CPHXL2: variants seen among roughly 807,000 people sequenced by gnomAD.
The protein encoded by CPHXL2 is cytoplasmic polyadenylated homeobox-like protein 2.
the CPHXL2 span, among the ~76,000 whole-genome samples, chr16:75,675,566 C>T: frequency 5.3e-5 from 8 of 152,060 alleles, no homozygotes; most frequent in Non-Finnish European, 5.9e-5. Context: ...AAGTCTTGTC[C>T]TAGAGCATCA....
At chr16:75,670,136 G>C in the CPHXL2 span, among the ~76,000 whole-genome samples, 1 of 152,070 alleles carries the variant, frequency 6.6e-6, no homozygotes, top group Non-Finnish European at 1.5e-5. Flanking sequence ...GGCTGGTCTT[G>C]AACTCCTGAC....
At chr16:75,671,083 A>G in the CPHXL2 span, among the ~76,000 whole-genome samples, 1 of 152,118 alleles carries the variant, frequency 6.6e-6, no homozygotes, top group Admixed American at 6.6e-5. Context: ...TAACCACCCT[A>G]TTAAAAATGG....
chr16:75,666,083 A>G, the CPHXL2 span, among the ~76,000 whole-genome samples: 23,343 of 152,148 alleles, frequency 0.15, 3,489 homozygotes, highest in African/African-American at 0.39. Flanking sequence ...TAAAGGGGTG[A>G]AAAAGGACAT....
chr16:75,667,331 T>C, the CPHXL2 span, among the ~76,000 whole-genome samples: 5 of 145,968 alleles, frequency 3.4e-5, no homozygotes, highest in African/African-American at 5.3e-5. Flanking sequence ...AAAAAAAAAA[T>C]TAGAAAAAAA....
At chr16:75,667,917 GAGTCCACCTTACCTTTC>G in the CPHXL2 span, among the ~76,000 whole-genome samples, 1 of 152,090 alleles carries the variant, frequency 6.6e-6, no homozygotes. Flanking sequence ...AGTAACCTTT[GAGTCCACCTTACCTTTC>G]ACAGCATATC....
At chr16:75,662,566 G>C in the CPHXL2 span, among the ~76,000 whole-genome samples, 1 of 151,732 alleles carries the variant, frequency 6.6e-6, no homozygotes, top group Non-Finnish European at 1.5e-5. Flanking sequence ...ACATAGCTTT[G>C]GAGATTCTAA....
At chr16:75,675,881 C>T in the CPHXL2 span, among the ~76,000 whole-genome samples, 1 of 152,186 alleles carries the variant, frequency 6.6e-6, no homozygotes, top group South Asian at 2.1e-4. Context: ...GAGTTTGAGA[C>T]CAGCCAGAGC....
At chr16:75,674,629 A>G in the CPHXL2 span, among the ~76,000 whole-genome samples, 3 of 152,154 alleles carry the variant, frequency 2.0e-5, no homozygotes, top group Admixed American at 1.3e-4. Flanking sequence ...AGAGGCCCCA[A>G]ATAGCCAAAA....
chr16:75,675,001 C>T, the CPHXL2 span, among the ~76,000 whole-genome samples: 1 of 151,364 alleles, frequency 6.6e-6, no homozygotes, highest in Non-Finnish European at 1.5e-5. Context: ...CCAGCCTGGC[C>T]AATATGGTGA....
chr16:75,661,167 G>A, the CPHXL2 span: 4 of 400,644 alleles, frequency 1.0e-5, no homozygotes, highest in Non-Finnish European at 1.8e-5. Context: ...GGCTTGGACT[G>A]GGAAATCGTG....
At chr16:75,670,113 A>G in the CPHXL2 span, among the ~76,000 whole-genome samples, 501 of 152,160 alleles carry the variant, frequency 3.3e-3, 1 homozygote, top group African/African-American at 0.012. Context: ...ACGGGATTTC[A>G]CCATGTTGGC....
chr16:75,664,437 C>G, the CPHXL2 span, among the ~76,000 whole-genome samples: 1 of 151,936 alleles, frequency 6.6e-6, no homozygotes, highest in Non-Finnish European at 1.5e-5. Context: ...ACCAGCCTGA[C>G]CAACATGGAG....
chr16:75,672,233 T>C, the CPHXL2 span, among the ~76,000 whole-genome samples: 1 of 151,044 alleles, frequency 6.6e-6, no homozygotes, highest in African/African-American at 2.4e-5. Flanking sequence ...GAGCCTAGAT[T>C]GCACCACTGC....
chr16:75,665,174 C>T, the CPHXL2 span, among the ~76,000 whole-genome samples: 4 of 152,134 alleles, frequency 2.6e-5, no homozygotes, highest in African/African-American at 9.7e-5. Context: ...TGCCTAGGCA[C>T]ATTGTCATCA....
the CPHXL2 span, among the ~76,000 whole-genome samples, chr16:75,665,836 G>T: frequency 6.6e-6 from 1 of 152,302 alleles, no homozygotes; most frequent in African/African-American, 2.4e-5. Flanking sequence ...CTGCACTCCA[G>T]CCTGGGCAAC....
At chr16:75,673,561 A>G in the CPHXL2 span, among the ~76,000 whole-genome samples, 1 of 151,878 alleles carries the variant, frequency 6.6e-6, no homozygotes, top group Non-Finnish European at 1.5e-5. Flanking sequence ...AAGCCATTAA[A>G]CCCCCTTAGT....
the CPHXL2 span, chr16:75,660,528 A>G: frequency 5.0e-6 from 2 of 398,634 alleles, no homozygotes; most frequent in Non-Finnish European, 8.8e-6. Context: ...ACCCGAGTCC[A>G]TTGGCAGCTG....
chr16:75,663,901 A>AG, the CPHXL2 span, among the ~76,000 whole-genome samples: 46 of 149,388 alleles, frequency 3.1e-4, no homozygotes, highest in African/African-American at 1.1e-3. Context: ...AAAAAAAAAA[A>AG]AAAGAAACAT....
At chr16:75,666,446 T>A in the CPHXL2 span, among the ~76,000 whole-genome samples, 1 of 151,670 alleles carries the variant, frequency 6.6e-6, no homozygotes, top group Non-Finnish European at 1.5e-5. Context: ...AAGTCTCTAC[T>A]GAAAACACAA....
Sources: gnomAD v4.1 joint callset for allele counts (sites outside exome capture counted in the v4.1 genomes callset) on GRCh38, gnomAD v4.1.1 for gene constraint, MANE v1.5 for transcripts, NCBI Gene and HGNC (gene_info 2026-07-23, HGNC 2026-07-21) for gene names.